The following TAFA1 variants were observed in gnomAD, a reference collection of about 807,000 sequenced individuals.
TAFA1 encodes chemokine-like protein TAFA-1.
TAFA1 carries 4 observed loss-of-function variants against 18.5 expected under a neutral mutation model. The observed-to-expected ratio is 0.22, with a 90% CI of 0.11 to 0.49. TAFA1 has a LOEUF of 0.49. Among genes scored for constraint, TAFA1 ranks in the 20% least tolerant of loss-of-function variants. TAFA1 has a pLI of 0.98. For missense variants in TAFA1, 147 were observed against 169.0 expected, an observed-to-expected ratio of 0.87 and a Z score of 0.72; for synonymous variants, 56 against 55.2, an observed-to-expected ratio of 1.01 and a Z score of -0.06.
intron 2 of TAFA1, among the ~76,000 whole-genome samples, chr3:68,379,982 G>T (rs1326212491): frequency 6.7e-6 from 1 of 149,370 alleles, no homozygotes; most frequent in East Asian, 2.0e-4. Context: ...TGTTCTAATC[G>T]TTCAACTCCC....
chr3:68,444,438 C>G (rs951585563), intron 3 of TAFA1, among the ~76,000 whole-genome samples: 2 of 152,068 alleles, frequency 1.3e-5, no homozygotes, highest in African/African-American at 4.8e-5. Flanking sequence ...AGTCACAATA[C>G]CTCACCTAAC....
intron 2 of TAFA1, among the ~76,000 whole-genome samples, chr3:68,123,878 C>CAAAAAAAAAA (rs758966848): frequency 1.4e-5 from 1 of 72,146 alleles, no homozygotes; most frequent in Non-Finnish European, 2.4e-5. Context: ...CTTTTTTTTC[C>CAAAAAAAAAA]AAAAAAAAAA....
rs546260379 is a variant in TAFA1 at position 68,055,277 on chromosome 3, G to A, written c.118+48533G>A. Among the ~76,000 whole-genome samples, 8 of 152,190 alleles carry A rather than the reference G, an allele frequency of 5.3e-5. No individual in the cohort carries two copies. In the South Asian group the frequency reaches 1.5e-3, roughly 28 times the overall value. On this transcript the variant is annotated intron_variant, in intron 2 of 4. Coordinates refer to ENST00000478136, the MANE Select transcript of TAFA1 (RefSeq NM_213609.4). ...TATAATCCAACTCTTAAGTGTCATC[G>A]GTAGATACTCATGTGTGTGTATGTA...
At chr3:68,272,692 G>A (rs2067698811) in intron 2 of TAFA1, among the ~76,000 whole-genome samples, 1 of 152,088 alleles carries the variant, frequency 6.6e-6, no homozygotes, top group Non-Finnish European at 1.5e-5. Flanking sequence ...ATTCAAATAG[G>A]ATCTAAAATT....
At chr3:68,175,906 G>A (rs2066119120) in intron 2 of TAFA1, among the ~76,000 whole-genome samples, 1 of 152,124 alleles carries the variant, frequency 6.6e-6, no homozygotes, top group Non-Finnish European at 1.5e-5. Flanking sequence ...GGACCCAGTG[G>A]GAGGTAACTG....
intron 2 of TAFA1, among the ~76,000 whole-genome samples, chr3:68,393,992 T>C (rs1204107081): frequency 1.3e-5 from 2 of 152,130 alleles, no homozygotes; most frequent in Admixed American, 1.3e-4. Context: ...CTATTCAACA[T>C]AGTATTGGAA....
chr3:68,453,852 C>T (rs1379010841), intron 3 of TAFA1, among the ~76,000 whole-genome samples: 1 of 152,156 alleles, frequency 6.6e-6, no homozygotes, highest in Non-Finnish European at 1.5e-5. Context: ...CCTCTGCATG[C>T]ATATTCTTTA....
intron 3 of TAFA1, among the ~76,000 whole-genome samples, chr3:68,444,575 G>A (rs1440995377): frequency 6.6e-6 from 1 of 151,932 alleles, no homozygotes; most frequent in African/African-American, 2.4e-5. Flanking sequence ...AATATTTGGA[G>A]GAATATGGGT....
intron 3 of TAFA1, among the ~76,000 whole-genome samples, chr3:68,476,503 A>G (rs1162190625): frequency 6.6e-6 from 1 of 152,222 alleles, no homozygotes; most frequent in Admixed American, 6.5e-5. Flanking sequence ...GAAATTTTAC[A>G]TCTATTTTTA....
intron 2 of TAFA1, among the ~76,000 whole-genome samples, chr3:68,297,100 C>T (rs1044593924): frequency 6.6e-6 from 1 of 151,994 alleles, no homozygotes; most frequent in African/African-American, 2.4e-5. Flanking sequence ...CAGAGCAAGC[C>T]CAGGTAGCTG....
chr3:68,306,966 G>T (rs1279781231), intron 2 of TAFA1, among the ~76,000 whole-genome samples: 1 of 152,030 alleles, frequency 6.6e-6, no homozygotes, highest in African/African-American at 2.4e-5. Context: ...TAGTGTTTTT[G>T]AACATGATCT....
intron 2 of TAFA1, among the ~76,000 whole-genome samples, chr3:68,090,003 C>A (rs1285079159): frequency 6.6e-6 from 1 of 152,120 alleles, no homozygotes; most frequent in Non-Finnish European, 1.5e-5. Flanking sequence ...ACTATAATGA[C>A]CAAGACTTTG....
intron 3 of TAFA1, among the ~76,000 whole-genome samples, chr3:68,433,525 G>C (rs186768458): frequency 6.6e-6 from 1 of 151,958 alleles, no homozygotes; most frequent in African/African-American, 2.4e-5. Context: ...CTTTATTTCT[G>C]TACAACAAAT....
chr3:68,075,036 A>G (rs2064807033), intron 2 of TAFA1, among the ~76,000 whole-genome samples: 1 of 152,202 alleles, frequency 6.6e-6, no homozygotes, highest in South Asian at 2.1e-4. Flanking sequence ...TGAGGACCAG[A>G]CAAAGTAGAA....
intron 2 of TAFA1, among the ~76,000 whole-genome samples, chr3:68,406,791 A>G (rs539570450): frequency 6.6e-6 from 1 of 152,322 alleles, no homozygotes; most frequent in African/African-American, 2.4e-5. Context: ...ATGCTCTCTG[A>G]TGCATCCTTG....
intron 2 of TAFA1, among the ~76,000 whole-genome samples, chr3:68,239,811 C>T (rs1464018118): frequency 6.6e-6 from 1 of 152,088 alleles, no homozygotes; most frequent in Non-Finnish European, 1.5e-5. Flanking sequence ...CCATTTGCAG[C>T]CCCCATGTCC....
At chr3:68,376,908 T>G (rs2069830167) in intron 2 of TAFA1, among the ~76,000 whole-genome samples, 1 of 152,098 alleles carries the variant, frequency 6.6e-6, no homozygotes, top group Non-Finnish European at 1.5e-5. Flanking sequence ...TGAGTTCTCA[T>G]GAGGTCTGAT....
At chr3:68,232,960 T>G (rs1559568628) in intron 2 of TAFA1, among the ~76,000 whole-genome samples, 1 of 152,310 alleles carries the variant, frequency 6.6e-6, no homozygotes, top group Non-Finnish European at 1.5e-5. Context: ...TCTACTAATT[T>G]ACATTCCCAC....
chr3:68,441,622 G>A (rs2071382705), intron 3 of TAFA1, among the ~76,000 whole-genome samples: 1 of 152,100 alleles, frequency 6.6e-6, no homozygotes, highest in African/African-American at 2.4e-5. Flanking sequence ...ATATATACAT[G>A]ATCGGGCTCG....
Sources: gnomAD v4.1 joint callset for allele counts (sites outside exome capture counted in the v4.1 genomes callset) on GRCh38, gnomAD v4.1.1 for gene constraint, MANE v1.5 for transcripts, NCBI Gene and HGNC (gene_info 2026-07-23, HGNC 2026-07-21) for gene names.